Variants in H1-8 observed in about 807,000 individuals in gnomAD.
H1-8 encodes the protein H1.8 linker histone.
In H1-8, 13 loss-of-function variants were observed where a neutral mutation model predicts 19.5. That is an observed-to-expected ratio of 0.67 (90% CI 0.43 to 1.06). H1-8 has a LOEUF of 1.06. Ranked by LOEUF, H1-8 falls within the 50% of genes least tolerant of loss-of-function variation. H1-8 has a pLI of 0.00. For missense variants in H1-8, 432 were observed against 459.8 expected, an observed-to-expected ratio of 0.94 and a Z score of 0.55; for synonymous variants, 193 against 187.6, an observed-to-expected ratio of 1.03 and a Z score of -0.24.
Position 129,551,467 on chromosome 3 carries a change from A to C in H1-8, c.*127A>C. 2 of 703,622 alleles carry C rather than the reference A, an allele frequency of 2.8e-6. No homozygotes were observed. The highest frequency in any genetic ancestry group is 4.8e-6 in the Non-Finnish European group (2 of 419,598). The allele number at this position is 703,622 out of a possible 1,614,324, so 43.6% of individuals were successfully genotyped here. Reference sequence around the variant, plus strand: ...AGACTTTTGTTTCTTTTTCCTCACAATTGGTGTGGGTAGAGGCTGAGGTTC... The same window carrying C: ...AGACTTTTGTTTCTTTTTCCTCACACTTGGTGTGGGTAGAGGCTGAGGTTC... On this transcript the variant is annotated 3_prime_UTR_variant, in exon 5 of 5. Transcript: ENST00000324382.
rs185134173 is a variant in H1-8 at position 129,550,693 on chromosome 3, C to T, written c.743-52C>T. On this transcript the variant is annotated intron_variant, in intron 3 of 4. Coordinates refer to ENST00000324382, the MANE Select transcript of H1-8 (RefSeq NM_153833.3). ...CTAGAGCCCCTGAAACTTCCTGCCC[C>T]ACCAGCAGTTCCTCCTTCTTCCCCT... 4.5e-3 allele frequency: 6,847 copies of T among 1,509,354 alleles called. 27 individuals carry two copies. Among genetic ancestry groups the T allele is most frequent in the Non-Finnish European group, 5.6e-3 (6,075 of 1,084,900 alleles). The allele number at this position is 1,509,354 out of a possible 1,614,324, so 93.5% of individuals were successfully genotyped here. A position where few individuals can be genotyped will look rare whatever the true frequency, so the allele number is the denominator to read the frequency against.
intron 3 of H1-8, 46 bp downstream of exon 3, chr3:129,549,410 A>T (rs755522726): frequency 6.6e-7 from 1 of 1,516,680 alleles, no homozygotes; most frequent in Non-Finnish European, 8.8e-7. Flanking sequence ...GGGGGTCTTG[A>T]CAGCCACTGG....
intron 1 of H1-8, among the ~76,000 whole-genome samples, chr3:129,545,623 A>G (rs895679735): frequency 7.9e-5 from 12 of 152,120 alleles, no homozygotes; most frequent in African/African-American, 2.7e-4. Flanking sequence ...GGCAACCACC[A>G]ATCTGCTTTC....
intron 1 of H1-8, among the ~76,000 whole-genome samples, chr3:129,544,852 G>C (rs2084876318): frequency 6.6e-6 from 1 of 152,018 alleles, no homozygotes; most frequent in South Asian, 2.1e-4. Flanking sequence ...CTGAGGCCTA[G>C]AGGGAAGAAT....
chr3:129,544,512 G>A (rs976438981), intron 1 of H1-8, among the ~76,000 whole-genome samples: 1 of 151,876 alleles, frequency 6.6e-6, no homozygotes, highest in Non-Finnish European at 1.5e-5. Flanking sequence ...CTTGGATGTT[G>A]GGTAGGTATG....
rs777431072 is a variant in H1-8, at chr3:129,551,259, G to C, written c.960G>C (p.Glu320Asp). 4 of 1,614,168 alleles carry C rather than the reference G, an allele frequency of 2.5e-6. No individual in the cohort carries two copies. The Admixed American group carries it at 6.7e-5, about 27-fold the overall frequency. The change falls in exon 5 of 5, where the codon GAG becomes GAC. Residue 320 changes from glutamate to aspartate, a missense_variant. Coordinates refer to ENST00000324382, the MANE Select transcript of H1-8 (RefSeq NM_153833.3). ...CTGCACATTTGTCCAGGAAGACAGA[G>C]GCCCCCAAGGGCCCTAGAAAGGCTG... ...VVPAHLSRKT[E>D]APKGPRKAGL...
Position 129,550,817 on chromosome 3 carries a change from C to T in H1-8, c.807+8C>T. 1 of 1,610,808 alleles carries T rather than the reference C, an allele frequency of 6.2e-7. No individual in the cohort carries two copies. Among genetic ancestry groups the T allele is most frequent in the Non-Finnish European group, 8.5e-7 (1 of 1,178,132 alleles). On this transcript the variant is annotated splice_region_variant and intron_variant, in intron 4 of 4. Coordinates refer to ENST00000324382, the MANE Select transcript of H1-8 (RefSeq NM_153833.3). Reference sequence around the variant, plus strand: ...AAACCCACGGCCAGCAAGGTAGGTGCCTGCATGAATTTCCTGGCCTGGCTG... The same window carrying T: ...AAACCCACGGCCAGCAAGGTAGGTGTCTGCATGAATTTCCTGGCCTGGCTG...
rs1354491466 is a variant in H1-8, at chr3:129,551,212, G to A, written c.913G>A (p.Gly305Ser). 1.9e-6 allele frequency: 3 copies of A among 1,614,244 alleles called. No individual in the cohort carries two copies. The South Asian group carries it at 3.3e-5, about 18-fold the overall frequency. ...CACCAAGGCTGCTGCTCCTGCTAAG[G>A]GCAGTGGGTCCAAGGTGGTACCTGC... is the stretch of plus-strand genomic sequence containing the variant. The part of the protein sequence containing the change: ...PNTKAAAPAK[G>S]SGSKVVPAHL... Residue 305 changes from glycine (G) to serine (S), a missense_variant, in exon 5 of 5, where the codon GGC (glycine) becomes AGC (serine). By Grantham distance (56) the Gly-to-Ser change is moderately conservative (BLOSUM62 0). Coordinates refer to ENST00000324382, the MANE Select transcript of H1-8 (RefSeq NM_153833.3).
rs568389259 is a variant in H1-8 at position 129,549,177 on chromosome 3, G to A, written c.555G>A (p.Lys185=). The A allele has an allele frequency of 8.3e-6, 13 of 1,564,634 alleles. No individual in the cohort carries two copies. In the African/African-American group the frequency reaches 1.5e-4, roughly 18 times the overall value. ...CCAAGAGGCCAGCAAAGGTGCAGAA[G>A]CCTCCTCCCAAGCCAGGCGCAGCCA... ...KAAKRPAKVQ[K]PPPKPGAATE... Residue 185 remains lysine (K), a synonymous_variant, in exon 3 of 5, where the codon AAG becomes AAA. Coordinates refer to ENST00000324382, the MANE Select transcript of H1-8 (RefSeq NM_153833.3).
chr3:129,543,350 C>A, intron 1 of H1-8, 44 bp downstream of exon 1: 1 of 1,458,582 alleles, frequency 6.9e-7, no homozygotes, highest in Non-Finnish European at 9.5e-7. Context: ...TGCGAGCCCA[C>A]TCCCTGGGTT....
At chr3:129,543,358 G>T (rs1410602853) in intron 1 of H1-8, 52 bp downstream of exon 1, 14 of 1,399,210 alleles carry the variant, frequency 1.0e-5, no homozygotes, top group Non-Finnish European at 1.4e-5. Context: ...CACTCCCTGG[G>T]TTGCCTTTGA....
intron 1 of H1-8, among the ~76,000 whole-genome samples, chr3:129,544,634 A>G (rs1442099247): frequency 6.6e-6 from 1 of 150,586 alleles, no homozygotes; most frequent in Non-Finnish European, 1.5e-5. Context: ...CTGCCGAATG[A>G]GGGGCTGGGA....
At position 129,551,295 on chromosome 3, in the gene H1-8, C is replaced by T; in HGVS notation, c.996C>T (p.Ile332=). 1 of 1,613,972 alleles carries T rather than the reference C, an allele frequency of 6.2e-7. No individual in the cohort carries two copies. The highest frequency in any genetic ancestry group is 8.5e-7 in the Non-Finnish European group (1 of 1,180,022). Residue 332 remains isoleucine, a synonymous_variant, in exon 5 of 5, where the codon ATC becomes ATT. Transcript: ENST00000324382. The part of the protein sequence containing the change: ...PKGPRKAGLP[I]KASSSKVSSQ... ...GCCCTAGAAAGGCTGGGCTGCCCAT[C>T]AAGGCCTCATCATCCAAAGTGTCCA...
intron 3 of H1-8, 141 bp downstream of exon 3, chr3:129,549,505 G>A (rs2084918080): frequency 3.0e-6 from 3 of 1,012,412 alleles, no homozygotes; most frequent in Non-Finnish European, 4.2e-6. Context: ...TGGAGAGAGA[G>A]AACTCATGGT....
chr3:129,548,132 C>T (rs1431774811), intron 2 of H1-8, among the ~76,000 whole-genome samples: 1 of 152,230 alleles, frequency 6.6e-6, no homozygotes, highest in African/African-American at 2.4e-5. Context: ...TGGGACAAAA[C>T]TGCACCCCAA....
intron 3 of H1-8, among the ~76,000 whole-genome samples, chr3:129,550,212 G>C (rs2084923508): frequency 6.6e-6 from 1 of 152,038 alleles, no homozygotes; most frequent in South Asian, 2.1e-4. Flanking sequence ...AGACCAATCT[G>C]GGCAAGATAC....
At position 129,551,261 on chromosome 3, in the gene H1-8, C is replaced by T. The variant is rs770588515; in HGVS notation, c.962C>T (p.Ala321Val). The change falls in exon 5 of 5, where the codon GCC becomes GTC. Residue 321 changes from alanine (A) to valine (V), a missense_variant. By Grantham distance (64) the Ala-to-Val change is moderately conservative (BLOSUM62 0). Coordinates refer to ENST00000324382, the MANE Select transcript of H1-8 (RefSeq NM_153833.3). Reference protein sequence around the residue: ...VPAHLSRKTEAPKGPRKAGLP... With the variant: ...VPAHLSRKTEVPKGPRKAGLP... ...GCACATTTGTCCAGGAAGACAGAGG[C>T]CCCCAAGGGCCCTAGAAAGGCTGGG... 3.1e-6 allele frequency: 5 copies of T among 1,613,950 alleles called. No individual in the cohort carries two copies. The African/African-American group carries it at 4.0e-5, about 13-fold the overall frequency.
rs1374432992 is a variant in H1-8, at chr3:129,551,268, G to A, written c.969G>A (p.Lys323=). Residue 323 remains lysine, a synonymous_variant, in exon 5 of 5, where the codon AAG becomes AAA. Transcript: ENST00000324382. ...TGTCCAGGAAGACAGAGGCCCCCAA[G>A]GGCCCTAGAAAGGCTGGGCTGCCCA... ...AHLSRKTEAP[K]GPRKAGLPIK... 6.2e-6 allele frequency: 10 copies of A among 1,614,134 alleles called. No individual in the cohort carries two copies. Among genetic ancestry groups the A allele is most frequent in the Non-Finnish European group, 7.6e-6 (9 of 1,180,032 alleles).
At chr3:129,545,338 C>T (rs1359283997) in intron 1 of H1-8, among the ~76,000 whole-genome samples, 1 of 152,106 alleles carries the variant, frequency 6.6e-6, no homozygotes, top group Non-Finnish European at 1.5e-5. Context: ...CATTTAAATC[C>T]GGTTTCATAT....
Sources: allele counts gnomAD v4.1 joint callset (sites outside exome capture counted in the v4.1 genomes callset), GRCh38; gene constraint gnomAD v4.1.1; transcripts MANE v1.5; gene names NCBI Gene and HGNC (gene_info 2026-07-23, HGNC 2026-07-21).